ZNF737: variants seen among roughly 807,000 people sequenced by gnomAD.
The protein encoded by ZNF737 is zinc finger protein 737.
Under a neutral mutation model 11.7 loss-of-function variants are expected in ZNF737, and 13 were observed. That is an observed-to-expected ratio of 1.11 (90% CI 0.73 to 1.77). The LOEUF is 1.77. ZNF737 is among the 40% of genes most tolerant of loss of function. ZNF737 has a pLI of 0.00. For synonymous variants in ZNF737, 217 were observed against 216.2 expected (o/e 1.00, Z -0.03); for missense variants, 636 against 638.0 (o/e 1.00, Z 0.03).
downstream of ZNF737, among the ~76,000 whole-genome samples, chr19:20,533,507 TATA>T (rs1266130324): frequency 2.0e-5 from 3 of 149,986 alleles, no homozygotes; most frequent in Non-Finnish European, 4.4e-5. Flanking sequence ...AATGTATACA[TATA>T]ATATTCTCCC....
chr19:20,547,593 T>C (rs1275833641), intron 3 of ZNF737, among the ~76,000 whole-genome samples: 1 of 145,468 alleles, frequency 6.9e-6, no homozygotes, highest in Non-Finnish European at 1.5e-5. Context: ...ACTGATAAAG[T>C]TGTTTATTTC....
Position 20,544,218 on chromosome 19 carries a change from G to A in ZNF737, c.*374C>T, listed in dbSNP as rs1968334322. 2 of 1,030,172 alleles carry A rather than the reference G, an allele frequency of 1.9e-6. No individual in the cohort carries two copies. The highest frequency in any genetic ancestry group is 7.6e-5 in the South Asian group (2 of 26,250). The allele number at this position is 1,030,172 out of a possible 1,614,324, so 63.8% of individuals were successfully genotyped here. Reference sequence around the variant, plus strand: ...GTCCAGCATGAATTATGTGTAAGAAGGGTTCAGAACTTCCTAAAAGCGTTG... The same window carrying A: ...GTCCAGCATGAATTATGTGTAAGAAAGGTTCAGAACTTCCTAAAAGCGTTG... On this transcript the variant is annotated 3_prime_UTR_variant, in exon 4 of 4. Coordinates refer to ENST00000427401, the MANE Select transcript of ZNF737 (RefSeq NM_001159293.2).
downstream of ZNF737, among the ~76,000 whole-genome samples, chr19:20,532,382 T>A (rs139326083): frequency 1.7e-4 from 25 of 150,122 alleles, no homozygotes; most frequent in Non-Finnish European, 2.7e-4. Context: ...GAGGTTTTTT[T>A]TAAGGGTCAT....
At chr19:20,565,532 G>C in intron 1 of ZNF737, 106 bp downstream of exon 1, 1 of 1,579,294 alleles carries the variant, frequency 6.3e-7, no homozygotes, top group African/African-American at 1.3e-5. Context: ...TCAGGGTGCA[G>C]ATTGTGGAGC....
chr19:20,544,027 C>G lies in ZNF737; in HGVS notation c.*565G>C. ...CCTGTAATCCCAGCTACTCAGGAAG[C>G]TGAGGTAGGAGAATGGCTTAAACCC... On this transcript the variant is annotated 3_prime_UTR_variant, in exon 4 of 4. Coordinates refer to ENST00000427401, the MANE Select transcript of ZNF737 (RefSeq NM_001159293.2). 1.5e-6 allele frequency: 1 copy of G among 686,622 alleles called. No individual in the cohort carries two copies. 42.5% of individuals were successfully genotyped at this position (686,622 alleles called of 1,614,324 possible). A position where few individuals can be genotyped will look rare whatever the true frequency, so the allele number is the denominator to read the frequency against.
In ZNF737 at chr19:20,559,684, C is replaced by T. The variant is rs190092590; in HGVS notation, c.4-5849G>A. The stretch of plus-strand genomic sequence containing the variant: ...TTAACAACTGTAAAAAGCAGTGTGG[C>T]GGTTCCTCACAGAACTAACAACAGA... On this transcript the variant is annotated intron_variant, in intron 1 of 3. Coordinates refer to ENST00000427401, the MANE Select transcript of ZNF737 (RefSeq NM_001159293.2). Among the ~76,000 whole-genome samples the T allele has an allele frequency of 5.3e-3, 814 of 152,260 alleles. 1 individual carries two copies. Among genetic ancestry groups the T allele is most frequent in the Admixed American group, 0.013 (193 of 15,302 alleles).
rs1290030561 is a variant in ZNF737, at chr19:20,540,174, TACA to T, written c.*4415_*4417del. 7 of 985,300 alleles carry T rather than the reference TACA, an allele frequency of 7.1e-6. No individual in the cohort carries two copies. The highest frequency in any genetic ancestry group is 6.1e-5 in the Admixed American group (1 of 16,276). The allele number at this position is 985,300 out of a possible 1,614,324, so 61.0% of individuals were successfully genotyped here. Reference sequence around the variant, plus strand: ...CGCCATGTGGCCACCATAAGCAGCTTACAACATGTTCTACCTAGAAGTCACTTA... The same window carrying T: ...CGCCATGTGGCCACCATAAGCAGCTTACATGTTCTACCTAGAAGTCACTTA... On this transcript the variant is annotated 3_prime_UTR_variant, in exon 4 of 4. Transcript: ENST00000427401.
Position 20,538,564 on chromosome 19 carries a change from TA to T in ZNF737, c.*6027del. 1.1e-6 allele frequency: 1 copy of T among 877,572 alleles called. No homozygotes were observed. Among genetic ancestry groups the T allele is most frequent in the Non-Finnish European group, 1.4e-6 (1 of 731,652 alleles). The allele number at this position is 877,572 out of a possible 1,614,324, so 54.4% of individuals were successfully genotyped here. ...TGGCAAAACTGCTTTCTGCAAAAAG[TA>T]AAAATGGCCTTGCTAAGAAAAATTA... is the stretch of plus-strand genomic sequence containing the variant. On this transcript the variant is annotated 3_prime_UTR_variant, in exon 4 of 4. Transcript: ENST00000427401.
chr19:20,530,952 T>G (rs1235875596), downstream of ZNF737, among the ~76,000 whole-genome samples: 7 of 149,052 alleles, frequency 4.7e-5, no homozygotes, highest in East Asian at 2.1e-4. Context: ...AGCACTGAGT[T>G]AACGAGACTC....
At chr19:20,530,302 G>A in the ZNF737 span, among the ~76,000 whole-genome samples, 5 of 138,686 alleles carry the variant, frequency 3.6e-5, no homozygotes, top group East Asian at 2.5e-4. Context: ...GCAGCTGGCC[G>A]GGCGGGGGGC....
rs1445737395 is a variant in ZNF737, at chr19:20,543,015, T to G, written c.*1577A>C. On this transcript the variant is annotated 3_prime_UTR_variant, in exon 4 of 4. Transcript: ENST00000427401. ...TTACCTAAAAACTGCAGTTGTGGAT[T>G]AGTTTTTATATTCAATGCTCTGATT... 4.1e-6 allele frequency: 4 copies of G among 985,326 alleles called. No individual in the cohort carries two copies. The highest frequency in any genetic ancestry group is 4.8e-6 in the Non-Finnish European group (4 of 829,806). The allele number at this position is 985,326 out of a possible 1,614,324, so 61.0% of individuals were successfully genotyped here. A position where few individuals can be genotyped will look rare whatever the true frequency, so the allele number is the denominator to read the frequency against.
chr19:20,542,122 C>A lies in ZNF737; in HGVS notation c.*2470G>T. 1 of 985,136 alleles carries A rather than the reference C, an allele frequency of 1.0e-6. No homozygotes were observed. Among genetic ancestry groups the A allele is most frequent in the Non-Finnish European group, 1.2e-6 (1 of 829,780 alleles). 61.0% of individuals were successfully genotyped at this position (985,136 alleles called of 1,614,324 possible). Reference sequence around the variant, plus strand: ...TATTCCTACAATATTGTACCTACACCCTTGAGTAAAGTGGGATACAGTTAG... The same window carrying A: ...TATTCCTACAATATTGTACCTACACACTTGAGTAAAGTGGGATACAGTTAG... On this transcript the variant is annotated 3_prime_UTR_variant, in exon 4 of 4. Coordinates refer to ENST00000427401, the MANE Select transcript of ZNF737 (RefSeq NM_001159293.2).
chr19:20,548,478 G>T (rs1291844198), intron 3 of ZNF737, among the ~76,000 whole-genome samples: 1 of 152,138 alleles, frequency 6.6e-6, no homozygotes, highest in Non-Finnish European at 1.5e-5. Flanking sequence ...AAAGTGGAAG[G>T]TTTGTCTGTC....
chr19:20,532,748 C>T (rs1444817482), downstream of ZNF737, among the ~76,000 whole-genome samples: 1 of 149,972 alleles, frequency 6.7e-6, no homozygotes, highest in Non-Finnish European at 1.5e-5. Context: ...GTGGGCTGAG[C>T]CTTCCTCACA....
intron 1 of ZNF737, among the ~76,000 whole-genome samples, chr19:20,557,782 A>T (rs1397870970): frequency 1.3e-5 from 2 of 151,784 alleles, no homozygotes; most frequent in Non-Finnish European, 2.9e-5. Context: ...ACGCCCAGCT[A>T]ATTTTTGTAT....
At chr19:20,553,553 G>T (rs533932351) in intron 2 of ZNF737, among the ~76,000 whole-genome samples, 156 bp downstream of exon 2, 42 of 151,914 alleles carry the variant, frequency 2.8e-4, no homozygotes, top group Non-Finnish European at 5.3e-4. Flanking sequence ...AGGCACCAAA[G>T]AAATTATTTT....
At chr19:20,562,586 G>A (rs1969139415) in intron 1 of ZNF737, among the ~76,000 whole-genome samples, 1 of 151,088 alleles carries the variant, frequency 6.6e-6, no homozygotes. Flanking sequence ...TCGAACTCCC[G>A]ACCTCAGGTG....
chr19:20,557,261 G>C (rs1599430403), intron 1 of ZNF737, among the ~76,000 whole-genome samples: 1 of 152,084 alleles, frequency 6.6e-6, no homozygotes, highest in African/African-American at 2.4e-5. Context: ...TCAGGAAATT[G>C]TGAGCACCAG....
chr19:20,550,967 C>G (rs1968641110), intron 3 of ZNF737: 1 of 152,276 alleles, frequency 6.6e-6, no homozygotes, highest in Admixed American at 6.5e-5. Context: ...CAGCCACAGT[C>G]TGGCAGAGGT....
Sources: gnomAD v4.1 joint callset for allele counts (sites outside exome capture counted in the v4.1 genomes callset) on GRCh38, gnomAD v4.1.1 for gene constraint, MANE v1.5 for transcripts, NCBI Gene and HGNC (gene_info 2026-07-23, HGNC 2026-07-21) for gene names.